SP100: variants seen among roughly 807,000 people sequenced by gnomAD.
SP100 encodes SP100 nuclear body protein.
Under a neutral mutation model 130.0 loss-of-function variants are expected in SP100, and 84 were observed. That is an observed-to-expected ratio of 0.65 (90% CI 0.54 to 0.77). The LOEUF is 0.77. Among genes scored for constraint, SP100 ranks in the 30% least tolerant of loss-of-function variants. The pLI, the probability that SP100 is intolerant of heterozygous loss-of-function variation, is 0.00. For synonymous variants in SP100, 331 were observed against 351.7 expected (o/e 0.94, Z 0.66); for missense variants, 978 against 1,052.2 (o/e 0.93, Z 0.97).
At chr2:230,438,443 GAGTCCCCA>G (rs923386327) in intron 2 of SP100, among the ~76,000 whole-genome samples, 5 of 151,828 alleles carry the variant, frequency 3.3e-5, no homozygotes, top group African/African-American at 1.2e-4. Flanking sequence ...CCTTTCCCCT[GAGTCCCCA>G]AGGTCCATTG....
At chr2:230,458,850 A>G (rs963284308) in intron 8 of SP100, among the ~76,000 whole-genome samples, 2 of 152,234 alleles carry the variant, frequency 1.3e-5, no homozygotes, top group African/African-American at 2.4e-5. Flanking sequence ...AAAAAGTGAC[A>G]TAGAAGAAGC....
At chr2:230,428,018 G>T (rs1377701759) in intron 2 of SP100, among the ~76,000 whole-genome samples, 3 of 152,136 alleles carry the variant, frequency 2.0e-5, no homozygotes, top group Admixed American at 1.3e-4. Flanking sequence ...ATCACTTGAG[G>T]TCAGGAGTTT....
chr2:230,521,802 G>A (rs1691183293), intron 24 of SP100, among the ~76,000 whole-genome samples: 1 of 152,154 alleles, frequency 6.6e-6, no homozygotes, highest in Non-Finnish European at 1.5e-5. Context: ...GATTCTCTCT[G>A]GCCCTGCTGC....
chr2:230,515,600 A>G (rs747162427), intron 24 of SP100: 1 of 1,603,360 alleles, frequency 6.2e-7, no homozygotes, highest in Admixed American at 1.7e-5. Context: ...GATGAAGAGG[A>G]TGAACAAGAG....
Position 230,459,972 on chromosome 2 carries a change from C to G in SP100, c.821-1290C>G, listed in dbSNP as rs553242765. ...CACCTGCGCGTTCCCCGTCACCCAC[C>G]TCTCGCCCTTTCATGCCACATTCCC... On this transcript the variant is annotated intron_variant, in intron 8 of 28. Coordinates refer to ENST00000340126, the MANE Select transcript of SP100 (RefSeq NM_001080391.2). 2.6e-5 allele frequency among the ~76,000 whole-genome samples: 4 copies of G among 152,332 alleles called. No individual in the cohort carries two copies. The East Asian group carries it at 7.7e-4, about 29-fold the overall frequency.
At chr2:230,483,108 G>A (rs1157114409) in intron 17 of SP100, among the ~76,000 whole-genome samples, 5 of 152,162 alleles carry the variant, frequency 3.3e-5, no homozygotes, top group Admixed American at 3.3e-4. Flanking sequence ...GGATAAAGAA[G>A]TGAGAAAAAT....
At chr2:230,540,121 C>T (rs1692110903) in intron 25 of SP100, among the ~76,000 whole-genome samples, 2 of 152,144 alleles carry the variant, frequency 1.3e-5, no homozygotes, top group Non-Finnish European at 2.9e-5. Context: ...GAAGAAAAAC[C>T]AGCTTTTTGG....
At chr2:230,463,850 G>T (rs778952860) in intron 10 of SP100, 113 of 361,732 alleles carry the variant, frequency 3.1e-4, no homozygotes, top group Non-Finnish European at 5.5e-4. Context: ...GAAAGCAAAG[G>T]CCAAGCAAGG....
At chr2:230,503,138 C>A (rs1018899745) in intron 20 of SP100, 28 bp downstream of exon 20, 21 of 1,455,752 alleles carry the variant, frequency 1.4e-5, no homozygotes, top group Non-Finnish European at 2.0e-5. Flanking sequence ...ATATGTTTTT[C>A]ATAATTAAAC....
chr2:230,537,214 G>A (rs116722507), intron 24 of SP100, among the ~76,000 whole-genome samples: 22 of 152,278 alleles, frequency 1.4e-4, no homozygotes, highest in African/African-American at 2.9e-4. Context: ...AGCTGTGATC[G>A]CACCACTGCA....
At chr2:230,443,982 C>T (rs1052502141) in intron 3 of SP100, among the ~76,000 whole-genome samples, 196 bp from the exon 4 acceptor site, 4 of 152,204 alleles carry the variant, frequency 2.6e-5, no homozygotes, top group Non-Finnish European at 4.4e-5. Flanking sequence ...CAATCAGGCT[C>T]ATCAGTGGGC....
chr2:230,481,467 A>G (rs901692929), intron 17 of SP100, among the ~76,000 whole-genome samples: 2 of 152,180 alleles, frequency 1.3e-5, no homozygotes, highest in African/African-American at 4.8e-5. Context: ...TCTATCATCA[A>G]GTTCCAAGAC....
chr2:230,495,766 C>G (rs928998890), intron 18 of SP100, among the ~76,000 whole-genome samples: 1 of 152,120 alleles, frequency 6.6e-6, no homozygotes, highest in Non-Finnish European at 1.5e-5. Context: ...TCTACTTATG[C>G]TTCTCTTGCA....
At chr2:230,469,743 T>C in intron 14 of SP100, 1 of 1,300,214 alleles carries the variant, frequency 7.7e-7, no homozygotes, top group South Asian at 1.3e-5. Context: ...CCCAATGAAA[T>C]GGATGATTTA....
At chr2:230,522,723 C>T (rs1436018809) in intron 24 of SP100, among the ~76,000 whole-genome samples, 2 of 151,876 alleles carry the variant, frequency 1.3e-5, no homozygotes, top group Admixed American at 6.6e-5. Context: ...CTCTTGACCT[C>T]ATGATCTGCC....
chr2:230,535,953 T>C (rs1365955169), intron 24 of SP100, among the ~76,000 whole-genome samples: 1 of 147,414 alleles, frequency 6.8e-6, no homozygotes, highest in Non-Finnish European at 1.5e-5. Context: ...TTTTCTTTTA[T>C]AATGAGACAC....
chr2:230,421,194 G>A, intron 2 of SP100, among the ~76,000 whole-genome samples: 1 of 151,930 alleles, frequency 6.6e-6, no homozygotes, highest in Non-Finnish European at 1.5e-5. Context: ...GATTTTGTGT[G>A]TCCTCATTAT....
Position 230,544,043 on chromosome 2 carries a change from C to A in SP100, c.*1097C>A, listed in dbSNP as rs1692254979. On this transcript the variant is annotated 3_prime_UTR_variant, in exon 29 of 29. Coordinates refer to ENST00000340126, the MANE Select transcript of SP100 (RefSeq NM_001080391.2). Reference sequence around the variant, plus strand: ...CCATCTGATCGTCGATAAAAACAAGCAATGGGAAAAAGACTCCCTATTTTA... The same window carrying A: ...CCATCTGATCGTCGATAAAAACAAGAAATGGGAAAAAGACTCCCTATTTTA... 1 of 152,048 alleles carries A rather than the reference C, an allele frequency of 6.6e-6. No homozygotes were observed. The highest frequency in any genetic ancestry group is 2.4e-5 in the African/African-American group (1 of 41,396). 9.4% of individuals were successfully genotyped at this position (152,048 alleles called of 1,614,324 possible).
At chr2:230,486,908 T>A (rs1386045474) in intron 17 of SP100, among the ~76,000 whole-genome samples, 2 of 152,266 alleles carry the variant, frequency 1.3e-5, no homozygotes, top group Non-Finnish European at 2.9e-5. Context: ...TGGTTTTGAT[T>A]TGCGTTTCTC....
Sources: gnomAD v4.1 joint callset for allele counts (sites outside exome capture counted in the v4.1 genomes callset) on GRCh38, gnomAD v4.1.1 for gene constraint, MANE v1.5 for transcripts, NCBI Gene and HGNC (gene_info 2026-07-23, HGNC 2026-07-21) for gene names.